Variants in MTRES1 observed in about 807,000 individuals in gnomAD.
MTRES1 encodes uncharacterized protein C6orf203.
Under a neutral mutation model 17.4 loss-of-function variants are expected in MTRES1, and 11 were observed. The ratio of observed to expected loss-of-function variants is 0.63; its 90% confidence interval spans 0.40 to 1.05. The LOEUF (loss-of-function observed/expected upper bound fraction) is 1.05, where lower values mean the gene tolerates loss of function less well. MTRES1 is among the 50% of genes least tolerant of loss of function. The probability of loss-of-function intolerance (pLI) is 0.00; values close to 1 mark genes in which losing one functional copy is unlikely to be tolerated. For missense variants in MTRES1, 268 were observed against 276.2 expected (o/e 0.97, Z 0.21); for synonymous variants, 94 against 99.6 (o/e 0.94, Z 0.34).
intron 1 of MTRES1, among the ~76,000 whole-genome samples, chr6:107,038,145 G>A (rs1215760452): frequency 6.6e-6 from 1 of 152,274 alleles, no homozygotes; most frequent in East Asian, 1.9e-4. Context: ...AGTTGAGACT[G>A]GGTCGTATGC....
intron 1 of MTRES1, among the ~76,000 whole-genome samples, chr6:107,036,026 ATAT>A (rs1353207039): frequency 4.6e-5 from 7 of 152,182 alleles, no homozygotes; most frequent in African/African-American, 1.2e-4. Context: ...TTATGAAAAA[ATAT>A]TATTGCATAT....
chr6:107,043,276 G>A (rs1417483188), intron 2 of MTRES1, among the ~76,000 whole-genome samples: 7 of 151,804 alleles, frequency 4.6e-5, no homozygotes, highest in Non-Finnish European at 7.4e-5. Flanking sequence ...GGAAGCTGCA[G>A]TGAGCCGAGA....
rs3763209 is a variant in MTRES1 at position 107,037,747 on chromosome 6, C to G, written c.-12-2002C>G. On this transcript the variant is annotated intron_variant, in intron 1 of 3. Coordinates refer to ENST00000311381, the MANE Select transcript of MTRES1 (RefSeq NM_016487.5). The stretch of plus-strand genomic sequence containing the variant: ...ATTTATTTTATTTTTGAGACAGAGT[C>G]TCACTCTATCGCCCAGGCTGGAGTG... Among the ~76,000 whole-genome samples, 135 of 152,104 alleles carry G rather than the reference C, an allele frequency of 8.9e-4. 1 individual carries two copies. In the East Asian group the frequency reaches 0.023, roughly 26 times the overall value.
chr6:107,037,413 G>A (rs782122640), intron 1 of MTRES1, among the ~76,000 whole-genome samples: 2 of 152,092 alleles, frequency 1.3e-5, no homozygotes, highest in East Asian at 1.9e-4. Flanking sequence ...GTTTCACCAC[G>A]TTGGCCAGGC....
At chr6:107,031,199 G>A (rs1055777605) in intron 1 of MTRES1, among the ~76,000 whole-genome samples, 1 of 151,680 alleles carries the variant, frequency 6.6e-6, no homozygotes, top group African/African-American at 2.4e-5. Context: ...GGCCAAGGTG[G>A]TGAAACCCTG....
intron 2 of MTRES1, among the ~76,000 whole-genome samples, chr6:107,043,895 A>G (rs374771378): frequency 2.6e-4 from 39 of 152,320 alleles, no homozygotes; most frequent in Middle Eastern, 3.4e-3. Flanking sequence ...TTGGGAGGCC[A>G]AGGCGGGCGG....
Position 107,033,384 on chromosome 6 carries a change from AT to A in MTRES1, c.-13+5127del, listed in dbSNP as rs61424162. Reference sequence around the variant, plus strand: ...AGGGACAGGAATTTTTCAGTAGTAGATTTTTTTTTTTTTTCAAGTGAGCTAT... The same window carrying A: ...AGGGACAGGAATTTTTCAGTAGTAGATTTTTTTTTTTTTCAAGTGAGCTAT... On this transcript the variant is annotated intron_variant, in intron 1 of 3. Transcript: ENST00000311381. Among the ~76,000 whole-genome samples, 693 of 144,666 alleles carry A rather than the reference AT, an allele frequency of 4.8e-3. 5 individuals carry two copies. The highest frequency in any genetic ancestry group is 0.042 in the South Asian group (191 of 4,514). The allele number at this position is 144,666 out of a possible 152,430, so 94.9% of individuals were successfully genotyped here. A position where few individuals can be genotyped will look rare whatever the true frequency, so the allele number is the denominator to read the frequency against.
Position 107,043,883 on chromosome 6 carries a change from C to T in MTRES1, c.471-377C>T, listed in dbSNP as rs566772389. On this transcript the variant is annotated intron_variant, in intron 2 of 3. Coordinates refer to ENST00000311381, the MANE Select transcript of MTRES1 (RefSeq NM_016487.5). ...GTGGTTCACGCCTGTAATCCCAGCA[C>T]TTTGGGAGGCCAAGGCGGGCGGATC... 5.0e-4 allele frequency among the ~76,000 whole-genome samples: 76 copies of T among 152,340 alleles called. 1 individual carries two copies. The highest frequency in any genetic ancestry group is 5.0e-3 in the Admixed American group (76 of 15,294).
intron 1 of MTRES1, among the ~76,000 whole-genome samples, chr6:107,035,836 A>G (rs1484962626): frequency 6.6e-6 from 1 of 151,950 alleles, no homozygotes; most frequent in Non-Finnish European, 1.5e-5. Flanking sequence ...TTTAGTAGAG[A>G]TGGGGTTTCA....
chr6:107,050,630 G>A (rs574790408), intron 3 of MTRES1, among the ~76,000 whole-genome samples: 1 of 139,034 alleles, frequency 7.2e-6, no homozygotes. Context: ...GGGCTGGCAT[G>A]CAGTGACATG....
chr6:107,048,452 A>T (rs1013743687), intron 3 of MTRES1, among the ~76,000 whole-genome samples: 8 of 151,428 alleles, frequency 5.3e-5, no homozygotes, highest in Non-Finnish European at 7.4e-5. Context: ...CGGATTTTTT[A>T]AAATGTCCAC....
chr6:107,045,513 TA>T (rs1184033583), intron 3 of MTRES1, among the ~76,000 whole-genome samples: 5 of 151,680 alleles, frequency 3.3e-5, no homozygotes, highest in Middle Eastern at 3.4e-3. Flanking sequence ...TGTTAGAAAA[TA>T]TTTTTTTGTA....
intron 2 of MTRES1, among the ~76,000 whole-genome samples, chr6:107,042,108 A>C (rs1232268911): frequency 2.0e-5 from 3 of 152,030 alleles, no homozygotes; most frequent in South Asian, 2.1e-4. Context: ...TGGGAGGCCA[A>C]GGCAGGTGTA....
intron 1 of MTRES1, among the ~76,000 whole-genome samples, chr6:107,034,104 T>G (rs2114943237): frequency 6.6e-6 from 1 of 152,278 alleles, no homozygotes; most frequent in East Asian, 1.9e-4. Flanking sequence ...AATTTACAAG[T>G]GCACCTGATT....
intron 3 of MTRES1, among the ~76,000 whole-genome samples, chr6:107,048,216 C>G (rs551994822): frequency 2.6e-5 from 4 of 151,982 alleles, no homozygotes; most frequent in Non-Finnish European, 4.4e-5. Flanking sequence ...CTCACTGCAA[C>G]CTCTGCCTCC....
intron 3 of MTRES1, among the ~76,000 whole-genome samples, chr6:107,046,025 G>A (rs576681763): frequency 6.6e-6 from 1 of 152,168 alleles, no homozygotes; most frequent in African/African-American, 2.4e-5. Flanking sequence ...GTGGGCAGAA[G>A]GAGGGAAAAC....
At chr6:107,042,166 C>T (rs1774239910) in intron 2 of MTRES1, among the ~76,000 whole-genome samples, 1 of 151,706 alleles carries the variant, frequency 6.6e-6, no homozygotes, top group African/African-American at 2.4e-5. Context: ...TAGTGAAACC[C>T]TGTCTCTACT....
chr6:107,044,762 G>C (rs1196713165), intron 3 of MTRES1, among the ~76,000 whole-genome samples: 1 of 152,126 alleles, frequency 6.6e-6, no homozygotes, highest in Non-Finnish European at 1.5e-5. Context: ...CTGGATGCAC[G>C]GCTTTGTGTG....
chr6:107,043,319 G>A (rs1325036689), intron 2 of MTRES1, among the ~76,000 whole-genome samples: 8 of 151,200 alleles, frequency 5.3e-5, no homozygotes, highest in African/African-American at 1.9e-4. Flanking sequence ...GGGCAATGGA[G>A]CGAGACTCCA....
Sources: gnomAD v4.1 joint callset for allele counts (sites outside exome capture counted in the v4.1 genomes callset) on GRCh38, gnomAD v4.1.1 for gene constraint, MANE v1.5 for transcripts, NCBI Gene and HGNC (gene_info 2026-07-23, HGNC 2026-07-21) for gene names.